Variants in SUGCT observed in about 807,000 individuals in gnomAD.
SUGCT encodes the protein succinyl-CoA:glutarate CoA-transferase.
A neutral mutation model predicts 55.0 loss-of-function variants in SUGCT; 41 were observed. That is an observed-to-expected ratio of 0.74 (90% CI 0.58 to 0.97). The LOEUF is 0.97. Ranked by LOEUF, SUGCT falls within the 50% of genes least tolerant of loss-of-function variation. The pLI, the probability that SUGCT is intolerant of heterozygous loss-of-function variation, is 0.00. For synonymous variants in SUGCT, 187 were observed against 200.4 expected (o/e 0.93, Z 0.56); for missense variants, 568 against 547.8 (o/e 1.04, Z -0.37).
At chr7:40,175,185 A>G (rs1166925199) in intron 1 of SUGCT, among the ~76,000 whole-genome samples, 1 of 151,388 alleles carries the variant, frequency 6.6e-6, no homozygotes, top group Non-Finnish European at 1.5e-5. Flanking sequence ...TTTATCTTCT[A>G]ATTGTGTTCA....
chr7:40,778,284 A>T (rs1789563867), intron 13 of SUGCT, among the ~76,000 whole-genome samples: 1 of 152,248 alleles, frequency 6.6e-6, no homozygotes, highest in Non-Finnish European at 1.5e-5. Context: ...GAATATAATG[A>T]TGATGGCTAG....
chr7:40,139,632 C>A (rs1203932079), intron 1 of SUGCT, among the ~76,000 whole-genome samples: 2 of 152,172 alleles, frequency 1.3e-5, no homozygotes, highest in Admixed American at 6.5e-5. Flanking sequence ...GGATATTAGT[C>A]CCCTGTTGGA....
chr7:40,844,935 A>G (rs4720380), intron 13 of SUGCT, among the ~76,000 whole-genome samples: 33,186 of 152,222 alleles, frequency 0.22, 4,778 homozygotes, highest in East Asian at 0.8. Context: ...CTTCACTTAG[A>G]AATGTAGTGC....
rs1711704803 is a variant in SUGCT at position 40,860,763 on chromosome 7, A to T, written c.*284A>T. ...AAGTTTTAATTTTTTTCCTGGAAAA[A>T]TGCACTCCTTATTCTACTTACATTA... On this transcript the variant is annotated 3_prime_UTR_variant, in exon 14 of 14. Transcript: ENST00000335693. 9 of 265,764 alleles carry T rather than the reference A, an allele frequency of 3.4e-5. No homozygotes were observed. The South Asian group carries it at 8.7e-4, about 26-fold the overall frequency. The allele number at this position is 265,764 out of a possible 1,614,324, so 16.5% of individuals were successfully genotyped here.
At chr7:40,574,036 G>A (rs554149673) in intron 12 of SUGCT, among the ~76,000 whole-genome samples, 4 of 152,258 alleles carry the variant, frequency 2.6e-5, no homozygotes, top group African/African-American at 9.6e-5. Context: ...CACACATAAT[G>A]TCAGTCTGGT....
At chr7:40,581,142 G>A (rs967223118) in intron 12 of SUGCT, among the ~76,000 whole-genome samples, 1 of 152,194 alleles carries the variant, frequency 6.6e-6, no homozygotes, top group South Asian at 2.1e-4. Flanking sequence ...TTTATTGAGT[G>A]TGTATTATGT....
the SUGCT span, among the ~76,000 whole-genome samples, chr7:40,867,767 C>T: frequency 1.8e-4 from 28 of 152,250 alleles, no homozygotes; most frequent in East Asian, 1.5e-3. Flanking sequence ...ACTTTCTAAT[C>T]GGCACAATTA....
chr7:40,365,537 C>T (rs1214874302), intron 9 of SUGCT, among the ~76,000 whole-genome samples: 1 of 152,146 alleles, frequency 6.6e-6, no homozygotes. Flanking sequence ...CTAAAATCTC[C>T]TTAAGCTGAT....
chr7:40,652,385 T>C (rs1800819352), intron 12 of SUGCT, among the ~76,000 whole-genome samples: 1 of 152,224 alleles, frequency 6.6e-6, no homozygotes, highest in African/African-American at 2.4e-5. Context: ...TCTGGTTTGA[T>C]GAACTGATTG....
the SUGCT span, among the ~76,000 whole-genome samples, chr7:40,956,871 A>G: frequency 1.3e-5 from 2 of 152,090 alleles, no homozygotes; most frequent in African/African-American, 4.8e-5. Flanking sequence ...TAATTTCGTT[A>G]TGTACCCAGT....
intron 12 of SUGCT, among the ~76,000 whole-genome samples, 152 bp downstream of exon 12, chr7:40,496,538 G>C (rs1272392676): frequency 6.6e-6 from 1 of 152,138 alleles, no homozygotes; most frequent in Non-Finnish European, 1.5e-5. Context: ...AAAAGAACCA[G>C]AACTTAGAAG....
intron 7 of SUGCT, among the ~76,000 whole-genome samples, chr7:40,241,503 C>T (rs541576000): frequency 2.7e-5 from 4 of 150,242 alleles, no homozygotes; most frequent in South Asian, 2.1e-4. Context: ...TGGTTGAACC[C>T]GGGAGGTGGA....
At chr7:40,227,043 C>G (rs1047874264) in intron 6 of SUGCT, among the ~76,000 whole-genome samples, 8 of 96,226 alleles carry the variant, frequency 8.3e-5, no homozygotes, top group African/African-American at 3.0e-4. Flanking sequence ...TTTAATAGAT[C>G]TTTTTTTTTT....
chr7:40,476,411 C>G (rs982883515), intron 11 of SUGCT, among the ~76,000 whole-genome samples: 1 of 151,664 alleles, frequency 6.6e-6, no homozygotes, highest in African/African-American at 2.4e-5. Context: ...ATTTGGAAAC[C>G]GTTGAGGAAA....
intron 12 of SUGCT, among the ~76,000 whole-genome samples, chr7:40,656,697 A>T (rs1323044981): frequency 6.6e-6 from 1 of 152,214 alleles, no homozygotes; most frequent in Admixed American, 6.5e-5. Flanking sequence ...AAAATGAGGA[A>T]TGTCTGCAAA....
intron 13 of SUGCT, among the ~76,000 whole-genome samples, chr7:40,788,379 G>T (rs933378822): frequency 6.6e-6 from 1 of 152,168 alleles, no homozygotes; most frequent in Non-Finnish European, 1.5e-5. Context: ...AATGGGAGAA[G>T]AAAAATCAAT....
chr7:40,166,751 G>A (rs1264322804), intron 1 of SUGCT, among the ~76,000 whole-genome samples: 3 of 152,068 alleles, frequency 2.0e-5, no homozygotes, highest in Non-Finnish European at 2.9e-5. Context: ...GTCAGGCATG[G>A]TGGTGGGTGC....
At chr7:40,885,798 T>A in the SUGCT span, among the ~76,000 whole-genome samples, 3 of 152,206 alleles carry the variant, frequency 2.0e-5, no homozygotes, top group Non-Finnish European at 4.4e-5. Flanking sequence ...CTCTAATGAA[T>A]GGGCTCCAAA....
intron 12 of SUGCT, among the ~76,000 whole-genome samples, chr7:40,730,521 A>G (rs562597430): frequency 1.4e-4 from 21 of 152,346 alleles, no homozygotes; most frequent in Non-Finnish European, 2.4e-4. Flanking sequence ...AATATCTGCA[A>G]TACCTCACAT....
Sources: gnomAD v4.1 joint callset for allele counts (sites outside exome capture counted in the v4.1 genomes callset) on GRCh38, gnomAD v4.1.1 for gene constraint, MANE v1.5 for transcripts, NCBI Gene and HGNC (gene_info 2026-07-23, HGNC 2026-07-21) for gene names.